Variants in INPP4B observed in about 807,000 individuals in gnomAD.
INPP4B encodes the protein inositol polyphosphate 4-phosphatase type II.
Under a neutral mutation model 122.5 loss-of-function variants are expected in INPP4B, and 55 were observed. The observed-to-expected ratio is 0.45, with a 90% CI of 0.36 to 0.56. The LOEUF is 0.56. INPP4B is among the 20% of genes least tolerant of loss of function. INPP4B has a pLI of 0.00. For missense variants in INPP4B, 1,000 were observed against 1,097.7 expected (o/e 0.91, Z 1.26); for synonymous variants, 403 against 388.7 (o/e 1.04, Z -0.43).
intron 7 of INPP4B, 56 bp from the exon 8 acceptor site, chr4:142,314,818 T>A: frequency 7.2e-7 from 1 of 1,397,584 alleles, no homozygotes. Flanking sequence ...TGCAGAAGCC[T>A]CGCACAGGTG....
At chr4:142,693,364 G>T (rs767131763) in intron 2 of INPP4B, among the ~76,000 whole-genome samples, 1 of 151,700 alleles carries the variant, frequency 6.6e-6, no homozygotes, top group Non-Finnish European at 1.5e-5. Context: ...GCTTTCTTAG[G>T]CTGAGTTCCT....
At position 142,139,955 on chromosome 4, in the gene INPP4B, G is replaced by A. The variant is rs1394838739; in HGVS notation, c.1720+5885C>T. On this transcript the variant is annotated intron_variant, in intron 18 of 25. Transcript: ENST00000262992. ...GGCTTCCAAAGTGCTTGGATTACAA[G>A]TGTGAGCCACAGCAACTGGCCCAGA... 2.6e-5 allele frequency among the ~76,000 whole-genome samples: 4 copies of A among 152,302 alleles called. No homozygotes were observed. The East Asian group carries it at 7.7e-4, about 29-fold the overall frequency.
At chr4:142,034,987 C>T (rs80188437) in intron 25 of INPP4B, among the ~76,000 whole-genome samples, 9,639 of 152,102 alleles carry the variant, frequency 0.063, 476 homozygotes, top group Non-Finnish European at 0.091. Flanking sequence ...GTTTGCCCTC[C>T]TCACTTCTTG....
intron 17 of INPP4B, among the ~76,000 whole-genome samples, chr4:142,152,940 G>A (rs1420067213): frequency 6.6e-6 from 1 of 151,944 alleles, no homozygotes; most frequent in Non-Finnish European, 1.5e-5. Context: ...AATATCTATT[G>A]ACTGACTTAC....
At chr4:142,645,494 G>A (rs1244091322) in intron 2 of INPP4B, among the ~76,000 whole-genome samples, 1 of 152,150 alleles carries the variant, frequency 6.6e-6, no homozygotes, top group Non-Finnish European at 1.5e-5. Context: ...GCAGTTATGT[G>A]TGGCCATGTG....
Position 142,452,067 on chromosome 4 carries a change from C to T in INPP4B, c.-127+10596G>A, listed in dbSNP as rs772715847. On this transcript the variant is annotated intron_variant, in intron 3 of 25. Transcript: ENST00000262992. Reference sequence around the variant, plus strand: ...ATGATTCCCCTAGCCCCCCACCTGCCGACAGGCCTCTGTGTGTGATTTTCC... The same window carrying T: ...ATGATTCCCCTAGCCCCCCACCTGCTGACAGGCCTCTGTGTGTGATTTTCC... Among the ~76,000 whole-genome samples the T allele has an allele frequency of 5.3e-5, 8 of 152,096 alleles. No individual in the cohort carries two copies. The East Asian group carries it at 5.8e-4, about 11-fold the overall frequency.
At chr4:142,402,794 GAAA>G in intron 7 of INPP4B, 141 bp downstream of exon 7, 1 of 595,040 alleles carries the variant, frequency 1.7e-6, no homozygotes, top group Non-Finnish European at 3.0e-6. Context: ...ACATATTTGG[GAAA>G]AAAACAACAA....
intron 15 of INPP4B, among the ~76,000 whole-genome samples, chr4:142,176,529 C>A (rs538509373): frequency 6.6e-6 from 1 of 152,180 alleles, no homozygotes; most frequent in East Asian, 1.9e-4. Context: ...TATCAAATTC[C>A]CTGACAGTCT....
At chr4:142,354,817 T>C (rs1783041632) in intron 7 of INPP4B, among the ~76,000 whole-genome samples, 1 of 152,040 alleles carries the variant, frequency 6.6e-6, no homozygotes, top group Non-Finnish European at 1.5e-5. Flanking sequence ...AAGCTAAATA[T>C]ACCTAACTAA....
At chr4:142,626,050 T>C (rs907763648) in intron 2 of INPP4B, among the ~76,000 whole-genome samples, 2 of 152,064 alleles carry the variant, frequency 1.3e-5, no homozygotes, top group African/African-American at 2.4e-5. Context: ...ACCTAGGCAA[T>C]ACCATTCAGG....
intron 2 of INPP4B, among the ~76,000 whole-genome samples, chr4:142,603,131 G>GA (rs1375161847): frequency 4.6e-5 from 7 of 151,976 alleles, no homozygotes; most frequent in African/African-American, 1.7e-4. Context: ...TGCAGAAAAG[G>GA]AAAAACAAAT....
At chr4:142,745,808 A>G (rs569071918) in intron 1 of INPP4B, among the ~76,000 whole-genome samples, 2 of 152,092 alleles carry the variant, frequency 1.3e-5, no homozygotes, top group Non-Finnish European at 2.9e-5. Flanking sequence ...AAATCTCAAG[A>G]CAAAATCTAT....
chr4:142,431,430 G>C lies in INPP4B; in HGVS notation c.-126-45C>G. 6 of 600,374 alleles carry C rather than the reference G, an allele frequency of 1.0e-5. No individual in the cohort carries two copies. The Middle Eastern group carries it at 2.4e-3, about 244-fold the overall frequency. 37.2% of individuals were successfully genotyped at this position (600,374 alleles called of 1,614,324 possible). A position where few individuals can be genotyped will look rare whatever the true frequency, so the allele number is the denominator to read the frequency against. ...AAAATTTCAGTCATATTGGAGTTCA[G>C]TATAAAGCTAAAAAGTAAAGGTAAG... is the stretch of plus-strand genomic sequence containing the variant. On this transcript the variant is annotated intron_variant, in intron 3 of 25. Transcript: ENST00000262992.
chr4:142,546,733 A>T (rs751659145), intron 2 of INPP4B, among the ~76,000 whole-genome samples: 6 of 152,176 alleles, frequency 3.9e-5, no homozygotes, highest in Non-Finnish European at 8.8e-5. Flanking sequence ...CGGTTAATTT[A>T]AAAAGTCCCA....
chr4:142,134,934 A>G, intron 18 of INPP4B, among the ~76,000 whole-genome samples: 1 of 151,938 alleles, frequency 6.6e-6, no homozygotes. Flanking sequence ...AAATATTAAT[A>G]TTTAAGCCCT....
At chr4:142,398,878 A>G (rs1800636344) in intron 7 of INPP4B, among the ~76,000 whole-genome samples, 1 of 152,170 alleles carries the variant, frequency 6.6e-6, no homozygotes, top group Non-Finnish European at 1.5e-5. Flanking sequence ...ACTGGATACC[A>G]GTTTCTGTCC....
chr4:142,213,479 T>C (rs1845727599), intron 12 of INPP4B, among the ~76,000 whole-genome samples: 1 of 152,164 alleles, frequency 6.6e-6, no homozygotes. Context: ...CATGGGTCTA[T>C]TGCACAAACC....
At chr4:142,366,581 G>T (rs1354502118) in intron 7 of INPP4B, among the ~76,000 whole-genome samples, 2 of 152,084 alleles carry the variant, frequency 1.3e-5, no homozygotes, top group Non-Finnish European at 2.9e-5. Context: ...AATAATCTAT[G>T]TGCAGCTTAA....
At chr4:142,738,763 C>T in intron 1 of INPP4B, among the ~76,000 whole-genome samples, 1 of 152,076 alleles carries the variant, frequency 6.6e-6, no homozygotes, top group East Asian at 1.9e-4. Context: ...ACTTTAGCTC[C>T]AGTGTGTAGC....
Sources: allele counts gnomAD v4.1 joint callset (sites outside exome capture counted in the v4.1 genomes callset), GRCh38; gene constraint gnomAD v4.1.1; transcripts MANE v1.5; gene names NCBI Gene and HGNC (gene_info 2026-07-23, HGNC 2026-07-21).